Variants in COL6A6 observed in about 807,000 individuals in gnomAD.
COL6A6 encodes collagen type VI alpha 6 chain.
In COL6A6, 183 loss-of-function variants were observed where a neutral mutation model predicts 208.6. That is an observed-to-expected ratio of 0.88 (90% CI 0.78 to 0.99). The LOEUF (loss-of-function observed/expected upper bound fraction) is 0.99, where lower values mean the gene tolerates loss of function less well. COL6A6 is among the 50% of genes least tolerant of loss of function. The pLI is 0.00. For synonymous variants in COL6A6, 973 were observed against 1,011.8 expected, an observed-to-expected ratio of 0.96 and a Z score of 0.73; for missense variants, 2,816 against 2,815.2, an observed-to-expected ratio of 1.00 and a Z score of -0.01.
chr3:130,606,392 C>T (rs562805721), intron 20 of COL6A6, among the ~76,000 whole-genome samples: 4 of 152,078 alleles, frequency 2.6e-5, no homozygotes, highest in African/African-American at 9.6e-5. Context: ...ATAATTCTTT[C>T]ATTTTTCTCA....
At chr3:130,595,492 A>G (rs1420458728) in intron 18 of COL6A6, among the ~76,000 whole-genome samples, 1 of 152,172 alleles carries the variant, frequency 6.6e-6, no homozygotes, top group African/African-American at 2.4e-5. Context: ...CCTTCCCCCA[A>G]GGTAATCACT....
intron 22 of COL6A6, 96 bp from the exon 23 acceptor site, chr3:130,610,553 C>G: frequency 2.2e-6 from 2 of 902,248 alleles, no homozygotes; most frequent in Non-Finnish European, 3.5e-6. Flanking sequence ...CATTTCTGTC[C>G]ATGTTACTGA....
chr3:130,620,916 T>A (rs1451347975), intron 23 of COL6A6, among the ~76,000 whole-genome samples: 1 of 152,224 alleles, frequency 6.6e-6, no homozygotes, highest in Admixed American at 6.5e-5. Context: ...TAAACAGTTG[T>A]ACCAAAAGAG....
chr3:130,580,620 C>T lies in COL6A6; in HGVS notation c.3548-941C>T, dbSNP rs1179229746. Among the ~76,000 whole-genome samples, 3 of 152,146 alleles carry T rather than the reference C, an allele frequency of 2.0e-5. No homozygotes were observed. The East Asian group carries it at 5.8e-4, about 29-fold the overall frequency. Reference sequence around the variant, plus strand: ...ACAACCACTCATTTTATCAAGCAAGCTGTATGTGTTCAGTTTGCTGAAAAA... The same window carrying T: ...ACAACCACTCATTTTATCAAGCAAGTTGTATGTGTTCAGTTTGCTGAAAAA... On this transcript the variant is annotated intron_variant, in intron 8 of 36. Coordinates refer to ENST00000358511, the MANE Select transcript of COL6A6 (RefSeq NM_001102608.3).
chr3:130,572,046 C>T (rs994291750), intron 7 of COL6A6, among the ~76,000 whole-genome samples: 1 of 152,114 alleles, frequency 6.6e-6, no homozygotes, highest in African/African-American at 2.4e-5. Flanking sequence ...TTTCCACCCA[C>T]TAGTTCTTTT....
intron 20 of COL6A6, among the ~76,000 whole-genome samples, chr3:130,600,442 A>G (rs756873440): frequency 1.2e-4 from 19 of 152,374 alleles, no homozygotes; most frequent in Middle Eastern, 6.8e-3. Flanking sequence ...ACTATTTACA[A>G]TAGCAAAGAC....
chr3:130,587,883 G>A (rs1325201558), intron 11 of COL6A6, among the ~76,000 whole-genome samples: 4 of 152,084 alleles, frequency 2.6e-5, no homozygotes, highest in Admixed American at 1.3e-4. Flanking sequence ...TTTTCCTGTC[G>A]ACTACTGTTT....
intron 13 of COL6A6, among the ~76,000 whole-genome samples, 178 bp downstream of exon 13, chr3:130,591,272 G>A (rs1437143675): frequency 1.3e-5 from 2 of 152,118 alleles, no homozygotes; most frequent in African/African-American, 4.8e-5. Flanking sequence ...GTGGTTTATT[G>A]ACCTATTGTC....
chr3:130,653,172 G>A (rs1027847507), intron 33 of COL6A6, among the ~76,000 whole-genome samples: 4 of 152,130 alleles, frequency 2.6e-5, no homozygotes, highest in Non-Finnish European at 5.9e-5. Flanking sequence ...AAAATTTGAC[G>A]TGCTGCACAT....
At chr3:130,634,242 T>TAAATAAATAAAAAAAA (rs2065038785) in intron 26 of COL6A6, among the ~76,000 whole-genome samples, 1 of 23,808 alleles carries the variant, frequency 4.2e-5, no homozygotes, top group Non-Finnish European at 5.9e-5. Flanking sequence ...AATAAATAAA[T>TAAATAAATAAAAAAAA]AAAAAAAAAA....
intron 1 of COL6A6, among the ~76,000 whole-genome samples, chr3:130,521,896 C>T (rs1362694626): frequency 6.6e-6 from 1 of 152,170 alleles, no homozygotes; most frequent in Non-Finnish European, 1.5e-5. Context: ...TCCAGCTGCT[C>T]ATAGTGGTAA....
At chr3:130,595,724 T>C (rs960590535) in intron 18 of COL6A6, among the ~76,000 whole-genome samples, 6 of 152,226 alleles carry the variant, frequency 3.9e-5, no homozygotes, top group Non-Finnish European at 7.4e-5. Context: ...GGTGGGTTGC[T>C]CCCAGTTTTT....
At chr3:130,610,313 G>C (rs1042233375) in intron 22 of COL6A6, among the ~76,000 whole-genome samples, 2 of 152,238 alleles carry the variant, frequency 1.3e-5, no homozygotes, top group South Asian at 2.1e-4. Context: ...TCTGGTTTCA[G>C]ATGTATATTT....
intron 24 of COL6A6, among the ~76,000 whole-genome samples, chr3:130,625,561 G>T (rs1371462140): frequency 8.5e-5 from 13 of 152,132 alleles, no homozygotes; most frequent in Non-Finnish European, 5.9e-5. Flanking sequence ...CATAAGCCCA[G>T]TCTAATCAGA....
At chr3:130,568,906 G>A (rs921800115) in intron 6 of COL6A6, among the ~76,000 whole-genome samples, 1 of 152,168 alleles carries the variant, frequency 6.6e-6, no homozygotes, top group Non-Finnish European at 1.5e-5. Flanking sequence ...GGGGCTCTTT[G>A]GAAGTGATTT....
chr3:130,589,733 A>G (rs1001620480), intron 12 of COL6A6, among the ~76,000 whole-genome samples: 3 of 152,248 alleles, frequency 2.0e-5, no homozygotes, highest in African/African-American at 7.2e-5. Context: ...ATTGATTCAT[A>G]TATTTCCTAA....
At chr3:130,557,776 C>T (rs2062799226) in intron 1 of COL6A6, among the ~76,000 whole-genome samples, 1 of 152,174 alleles carries the variant, frequency 6.6e-6, no homozygotes, top group Non-Finnish European at 1.5e-5. Context: ...TTCTCTGAGA[C>T]TCCGCGTTCT....
chr3:130,600,905 G>A (rs2063996355), intron 20 of COL6A6, among the ~76,000 whole-genome samples: 1 of 152,064 alleles, frequency 6.6e-6, no homozygotes, highest in African/African-American at 2.4e-5. Context: ...AAAAAAGGGG[G>A]AAAGAAAAGA....
In COL6A6 at chr3:130,634,677, T is replaced by G. The variant is rs571763795; in HGVS notation, c.5028+52T>G. ...GATCAGTCAGAAATACTCCTGGGGT[T>G]TATGAAATGTATCCTAGGCCAGTAG... On this transcript the variant is annotated intron_variant, in intron 27 of 36. Coordinates refer to ENST00000358511, the MANE Select transcript of COL6A6 (RefSeq NM_001102608.3). 3 of 1,355,786 alleles carry G rather than the reference T, an allele frequency of 2.2e-6. No homozygotes were observed. In the African/African-American group the frequency reaches 4.3e-5, roughly 19 times the overall value. 84.0% of individuals were successfully genotyped at this position (1,355,786 alleles called of 1,614,324 possible).
Sources: allele counts gnomAD v4.1 joint callset (sites outside exome capture counted in the v4.1 genomes callset), GRCh38; gene constraint gnomAD v4.1.1; transcripts MANE v1.5; gene names NCBI Gene and HGNC (gene_info 2026-07-23, HGNC 2026-07-21).